JAZF1: variants seen among roughly 807,000 people sequenced by gnomAD.
JAZF1 encodes JAZF zinc finger 1.
In JAZF1, 8 loss-of-function variants were observed where a neutral mutation model predicts 26.4. That is an observed-to-expected ratio of 0.30 (90% CI 0.18 to 0.55). JAZF1 has a LOEUF of 0.55. JAZF1 is among the 20% of genes least tolerant of loss of function. JAZF1 has a pLI of 0.94. For missense variants in JAZF1, 199 were observed against 322.0 expected (o/e 0.62, Z 2.92); for synonymous variants, 126 against 122.3 (o/e 1.03, Z -0.20).
Position 28,174,821 on chromosome 7 carries a change from G to GGTGGGTGT in JAZF1, c.115+5641_115+5642insACACCCAC, listed in dbSNP as rs1554293530. 2.8e-5 allele frequency among the ~76,000 whole-genome samples: 3 copies of GGTGGGTGT among 107,690 alleles called. 1 individual carries two copies. The Admixed American group carries it at 3.1e-4, about 11-fold the overall frequency. 70.6% of individuals were successfully genotyped at this position (107,690 alleles called of 152,430 possible). A position where few individuals can be genotyped will look rare whatever the true frequency, so the allele number is the denominator to read the frequency against. ...CCTGATCCTGCCTATGGGGTGTGTG[G>GGTGGGTGT]GTGTGTGTGTGTGTGTGTGTGTGTG... On this transcript the variant is annotated intron_variant, in intron 1 of 4. Transcript: ENST00000283928.
chr7:28,020,743 G>A (rs578107129), intron 1 of JAZF1: 1 of 469,676 alleles, frequency 2.1e-6, no homozygotes, highest in African/African-American at 2.0e-5. Flanking sequence ...CATGCTAGTG[G>A]CTGAAGCCTC....
chr7:28,178,375 T>C (rs917147425), intron 1 of JAZF1, among the ~76,000 whole-genome samples: 3 of 152,210 alleles, frequency 2.0e-5, no homozygotes, highest in Admixed American at 6.5e-5. Flanking sequence ...TTAACCAGCT[T>C]GTCTAAGTAG....
At chr7:28,136,758 C>G (rs928813875) in intron 1 of JAZF1, among the ~76,000 whole-genome samples, 1 of 152,198 alleles carries the variant, frequency 6.6e-6, no homozygotes, top group South Asian at 2.1e-4. Context: ...AGACCCAATT[C>G]TGACCTAAGT....
chr7:27,849,971 A>C (rs574667742), intron 3 of JAZF1, among the ~76,000 whole-genome samples: 7 of 150,204 alleles, frequency 4.7e-5, no homozygotes, highest in Non-Finnish European at 8.8e-5. Context: ...CTGTTTTACT[A>C]CCTAAAGAGT....
intron 2 of JAZF1, among the ~76,000 whole-genome samples, chr7:27,984,098 C>T (rs1238546922): frequency 1.3e-5 from 2 of 152,190 alleles, no homozygotes; most frequent in African/African-American, 4.8e-5. Context: ...TCACACATAA[C>T]AGTATTAACC....
chr7:27,971,383 A>C (rs1465809638), intron 2 of JAZF1, among the ~76,000 whole-genome samples: 1 of 152,192 alleles, frequency 6.6e-6, no homozygotes, highest in African/African-American at 2.4e-5. Flanking sequence ...CTTTGAGCCA[A>C]CGGGCAAGGT....
At chr7:28,166,012 T>C (rs1414271769) in intron 1 of JAZF1, among the ~76,000 whole-genome samples, 1 of 152,138 alleles carries the variant, frequency 6.6e-6, no homozygotes, top group African/African-American at 2.4e-5. Context: ...AAAAAGCATT[T>C]AATTACTTAT....
intron 2 of JAZF1, among the ~76,000 whole-genome samples, chr7:27,974,641 T>C (rs1246133854): frequency 6.6e-6 from 1 of 152,130 alleles, no homozygotes; most frequent in Non-Finnish European, 1.5e-5. Context: ...GAGAGGCACA[T>C]ATTAGGTTCA....
At chr7:27,913,128 G>A (rs549889137) in intron 2 of JAZF1, among the ~76,000 whole-genome samples, 2 of 151,896 alleles carry the variant, frequency 1.3e-5, no homozygotes, top group South Asian at 4.2e-4. Context: ...CCTCCTGAGG[G>A]CCTCCAGAAT....
At chr7:27,874,606 T>G (rs1783642276) in intron 3 of JAZF1, among the ~76,000 whole-genome samples, 1 of 152,224 alleles carries the variant, frequency 6.6e-6, no homozygotes, top group South Asian at 2.1e-4. Context: ...TTCCTGTCAC[T>G]TAGGAAAACA....
chr7:28,048,206 G>A (rs888456666), intron 1 of JAZF1, among the ~76,000 whole-genome samples: 16 of 152,030 alleles, frequency 1.1e-4, no homozygotes, highest in African/African-American at 3.6e-4. Context: ...TCTAAAAGAC[G>A]GATACATAGA....
chr7:27,925,206 C>T (rs1020435147), intron 2 of JAZF1, among the ~76,000 whole-genome samples: 2 of 152,170 alleles, frequency 1.3e-5, no homozygotes, highest in African/African-American at 4.8e-5. Context: ...GGTAATTCAG[C>T]TCCCAGAACC....
chr7:28,080,657 G>A (rs1400476147), intron 1 of JAZF1, among the ~76,000 whole-genome samples: 1 of 152,156 alleles, frequency 6.6e-6, no homozygotes, highest in Non-Finnish European at 1.5e-5. Context: ...TCCAGGAATA[G>A]GCAGGCTCAG....
chr7:28,168,841 G>A (rs180810071), intron 1 of JAZF1, among the ~76,000 whole-genome samples: 2 of 152,242 alleles, frequency 1.3e-5, no homozygotes, highest in Admixed American at 6.5e-5. Context: ...CCCAATGCTC[G>A]ATATTTCATT....
intron 1 of JAZF1, among the ~76,000 whole-genome samples, chr7:28,169,847 C>G (rs2127954146): frequency 6.6e-6 from 1 of 152,308 alleles, no homozygotes; most frequent in South Asian, 2.1e-4. Context: ...TATGGAAAAT[C>G]AGGCAGCTAA....
intron 2 of JAZF1, among the ~76,000 whole-genome samples, chr7:27,915,910 G>A (rs1784438055): frequency 6.6e-6 from 1 of 152,204 alleles, no homozygotes; most frequent in Admixed American, 6.5e-5. Context: ...GTTCTTACAA[G>A]AGAAGATTTG....
At chr7:28,017,652 A>T (rs934025181) in intron 1 of JAZF1, among the ~76,000 whole-genome samples, 3 of 152,280 alleles carry the variant, frequency 2.0e-5, no homozygotes, top group Non-Finnish European at 4.4e-5. Flanking sequence ...TCCTAGGCAC[A>T]TGAGTGCAGC....
intron 3 of JAZF1, chr7:27,846,386 T>TATATAC (rs1783031592): frequency 7.9e-6 from 2 of 254,158 alleles, no homozygotes; most frequent in Admixed American, 3.7e-5. Context: ...CATGTACGTA[T>TATATAC]ATATACATAT....
At chr7:27,913,516 C>T (rs931212351) in intron 2 of JAZF1, 16 of 318,898 alleles carry the variant, frequency 5.0e-5, no homozygotes, top group South Asian at 3.0e-4. Context: ...GTGGGAGGGG[C>T]GCTGCGGAGC....
Sources: gnomAD v4.1 joint callset for allele counts (sites outside exome capture counted in the v4.1 genomes callset) on GRCh38, gnomAD v4.1.1 for gene constraint, MANE v1.5 for transcripts, NCBI Gene and HGNC (gene_info 2026-07-23, HGNC 2026-07-21) for gene names.